MAX: variants seen among roughly 807,000 people sequenced by gnomAD.
MAX encodes MYC associated transcriptional regulator X.
In MAX, 3 loss-of-function variants were observed where a neutral mutation model predicts 22.3. The observed-to-expected ratio is 0.13, with a 90% confidence interval of 0.06 to 0.35. The LOEUF (loss-of-function observed/expected upper bound fraction) is 0.35, where lower values mean the gene tolerates loss of function less well. Ranked by LOEUF, MAX falls within the 10% of genes least tolerant of loss-of-function variation. The pLI is 1.00. For missense variants in MAX, 119 were observed against 209.4 expected (o/e 0.57, Z 2.66); for synonymous variants, 72 against 77.7 (o/e 0.93, Z 0.39).
rs1250986399 is a variant in MAX, at chr14:65,009,922, G to T, written c.172-3638C>A. Among the ~76,000 whole-genome samples, 1 of 152,062 alleles carries T rather than the reference G, an allele frequency of 6.6e-6. No homozygotes were observed. Among genetic ancestry groups the T allele is most frequent in the African/African-American group, 2.4e-5 (1 of 41,374 alleles). On this transcript the variant is annotated intron_variant, in intron 3 of 3. Coordinates refer to the MAX transcript ENST00000341653. This position sits in a 1 kb window ranked among gnomAD's most constrained non-coding sequence, Gnocchi z 4.2. ...GTCCACCTCTGGACTGTCGCTCTAG[G>T]GTACAGAGCAGCCTCTACCCCAGTG...
rs767291215 is a variant in MAX at position 65,077,368 on chromosome 14, TGAGG to T, written c.295+541_295+544del. ...CATTTCCTTTTACTTGCATCTTCCA[TGAGG>T]GAGGAAGAGAAGTGAATTCCCCAGG... On this transcript the variant is annotated intron_variant, in intron 4 of 4. Transcript: ENST00000358664. The surrounding 1 kb of genome is among the most constrained non-coding windows in gnomAD (Gnocchi z 6.3). The T allele has an allele frequency of 6.2e-7, 1 of 1,613,116 alleles. No homozygotes were observed. The highest frequency in any genetic ancestry group is 8.5e-7 in the Non-Finnish European group (1 of 1,179,084).
Position 65,030,653 on chromosome 14 carries a change from C to G in MAX, c.172-24369G>C, listed in dbSNP as rs1436503221. On this transcript the variant is annotated intron_variant, in intron 3 of 3. Transcript: ENST00000341653. This position sits in a 1 kb window ranked among gnomAD's most constrained non-coding sequence, Gnocchi z 4.5. The stretch of plus-strand genomic sequence containing the variant: ...GCTGCTTAGGAGGCTGAGGCAAGAT[C>G]AGTTTGAGCCCAGGAGTTTGAGGTT... 6.6e-6 allele frequency among the ~76,000 whole-genome samples: 1 copy of G among 151,758 alleles called. No individual in the cohort carries two copies.
rs553236625 is a variant in MAX, at chr14:65,049,977, CAT to C, written c.172-43695_172-43694del. On this transcript the variant is annotated intron_variant, in intron 3 of 3. Transcript: ENST00000341653. ...TATGATTACAATATTAAGTATAAAA[CAT>C]ATATATGTTTTACATTAATTAAATT... is the stretch of plus-strand genomic sequence containing the variant. Among the ~76,000 whole-genome samples, 155 of 151,886 alleles carry C rather than the reference CAT, an allele frequency of 1.0e-3. 1 individual carries two copies. The highest frequency in any genetic ancestry group is 3.6e-3 in the African/African-American group (148 of 41,420).
chr14:65,078,122 G>T lies in MAX; in HGVS notation c.172-86C>A. On this transcript the variant is annotated intron_variant, in intron 3 of 4. Coordinates refer to ENST00000358664, the MANE Select transcript of MAX (RefSeq NM_002382.5). This position sits in a 1 kb window ranked among gnomAD's most constrained non-coding sequence, Gnocchi z 6.4. ...GAACCTGGCCTGCAGCAACTGCTTGGGTGGCTGGAAACGAGAGGGTAAGGT... is the reference window on the plus strand; with the variant it reads ...GAACCTGGCCTGCAGCAACTGCTTGTGTGGCTGGAAACGAGAGGGTAAGGT... 1 of 1,520,628 alleles carries T rather than the reference G, an allele frequency of 6.6e-7. No homozygotes were observed. The highest frequency in any genetic ancestry group is 9.1e-7 in the Non-Finnish European group (1 of 1,097,580). 94.2% of individuals were successfully genotyped at this position (1,520,628 alleles called of 1,614,324 possible).
chr14:65,100,708 C>T (rs1483245011), intron 2 of MAX, among the ~76,000 whole-genome samples: 2 of 152,158 alleles, frequency 1.3e-5, no homozygotes, highest in African/African-American at 4.8e-5. Flanking sequence ...ATTTCTCTTC[C>T]CCTCGCTGAT....
rs1348276179 is a variant in MAX, at chr14:65,077,209, G to A, written c.296-546C>T. 4.2e-5 allele frequency: 29 copies of A among 688,562 alleles called. 1 individual carries two copies. The South Asian group carries it at 4.7e-4, about 11-fold the overall frequency. The allele number at this position is 688,562 out of a possible 1,614,324, so 42.7% of individuals were successfully genotyped here. On this transcript the variant is annotated intron_variant, in intron 4 of 4. Transcript: ENST00000358664. The surrounding 1 kb of genome is among the most constrained non-coding windows in gnomAD (Gnocchi z 6.3). ...AATAGCCCCTACATGCAGGCTGCCT[G>A]GCCCAGTAACCAACCCACTGACACC... is the stretch of plus-strand genomic sequence containing the variant.
chr14:65,006,238 T>C (rs2139487070), exon 4 of MAX: 2 of 1,612,698 alleles, frequency 1.2e-6, no homozygotes, highest in East Asian at 2.2e-5. Context: ...AAAAGGCAAG[T>C]GTTCATAAGG....
At chr14:65,045,325 T>C (rs1047551466) in intron 3 of MAX, among the ~76,000 whole-genome samples, 32 of 152,134 alleles carry the variant, frequency 2.1e-4, no homozygotes, top group African/African-American at 7.5e-4. Context: ...AGTTGGATAA[T>C]GTAACTGCTC....
At chr14:65,015,817 C>T in intron 3 of MAX, 1 of 1,353,738 alleles carries the variant, frequency 7.4e-7, no homozygotes, top group Non-Finnish European at 1.0e-6. Flanking sequence ...TGGAAAAAAA[C>T]AGTGCCACAA....
chr14:65,059,455 G>A (rs771879646), intron 3 of MAX, among the ~76,000 whole-genome samples: 1 of 152,064 alleles, frequency 6.6e-6, no homozygotes, highest in Non-Finnish European at 1.5e-5. Flanking sequence ...ATGTGGGGGT[G>A]GCAGAATAAG....
At chr14:65,025,066 G>T (rs960785088) in intron 3 of MAX, among the ~76,000 whole-genome samples, 5 of 152,210 alleles carry the variant, frequency 3.3e-5, no homozygotes, top group African/African-American at 1.2e-4. Flanking sequence ...AAAGCCTTGG[G>T]ATCAGAATGT....
intron 3 of MAX, among the ~76,000 whole-genome samples, chr14:65,034,571 T>C (rs1045470038): frequency 3.3e-5 from 5 of 152,358 alleles, no homozygotes; most frequent in South Asian, 2.1e-4. Flanking sequence ...CCAGAGTTCA[T>C]TGAGGACTGT....
At chr14:65,064,093 A>G (rs1459300422) in intron 3 of MAX, among the ~76,000 whole-genome samples, 2 of 152,164 alleles carry the variant, frequency 1.3e-5, no homozygotes, top group African/African-American at 4.8e-5. Flanking sequence ...AATCAGGGGA[A>G]ACACCCCTGA....
At chr14:65,024,597 C>T (rs534117071) in intron 3 of MAX, among the ~76,000 whole-genome samples, 1 of 152,256 alleles carries the variant, frequency 6.6e-6, no homozygotes, top group African/African-American at 2.4e-5. Context: ...AAATGCCTTG[C>T]TGACGTTAAA....
At chr14:65,043,967 G>A (rs1412291397) in intron 3 of MAX, among the ~76,000 whole-genome samples, 1 of 151,080 alleles carries the variant, frequency 6.6e-6, no homozygotes, top group Admixed American at 6.6e-5. Context: ...TCCAACTTAA[G>A]CCATGTTTAT....
chr14:65,037,402 CCTTTTTTTTTTTTTTTTTT>C lies in MAX; in HGVS notation c.172-31137_172-31119del, dbSNP rs1226308026. Reference sequence around the variant, plus strand: ...ATAGGCGTGAGCCACCACGCCGGGCCCTTTTTTTTTTTTTTTTTTTTTTTTTTTTTTTTTTTTTTTTTTT... The same window carrying C: ...ATAGGCGTGAGCCACCACGCCGGGCCTTTTTTTTTTTTTTTTTTTTTTTTT... On this transcript the variant is annotated intron_variant, in intron 3 of 3. Transcript: ENST00000341653. Among the ~76,000 whole-genome samples the C allele has an allele frequency of 2.7e-3, 39 of 14,536 alleles. 4 individuals are homozygous for C. The highest frequency in any genetic ancestry group is 9.3e-3 in the African/African-American group (32 of 3,446). The allele number at this position is 14,536 out of a possible 152,430, so 9.5% of individuals were successfully genotyped here.
In MAX at chr14:65,023,056, T is replaced by G. The variant is rs1375666512; in HGVS notation, c.172-16772A>C. 1.3e-5 allele frequency among the ~76,000 whole-genome samples: 2 copies of G among 152,318 alleles called. No homozygotes were observed. The highest frequency in any genetic ancestry group is 3.9e-4 in the East Asian group (2 of 5,190). Reference sequence around the variant, plus strand: ...TCCAAACTGATGACGGTGTTTAGAATCAACATTGATTAATTGATTGAGACA... The same window carrying G: ...TCCAAACTGATGACGGTGTTTAGAAGCAACATTGATTAATTGATTGAGACA... On this transcript the variant is annotated intron_variant, in intron 3 of 3. Coordinates refer to the MAX transcript ENST00000341653. This position sits in a 1 kb window ranked among gnomAD's most constrained non-coding sequence, Gnocchi z 4.1.
chr14:65,025,982 T>C (rs3825642), intron 3 of MAX, among the ~76,000 whole-genome samples: 3,729 of 152,344 alleles, frequency 0.024, 131 homozygotes, highest in East Asian at 0.12. Context: ...TTTTGCTTTC[T>C]CTGCCCGGAT....
chr14:65,097,738 T>A (rs188179911), intron 2 of MAX, among the ~76,000 whole-genome samples: 1 of 152,192 alleles, frequency 6.6e-6, no homozygotes, highest in East Asian at 1.9e-4. Flanking sequence ...TTCTGATAGA[T>A]AAGAACAAGA....
Sources: allele counts gnomAD v4.1 joint callset (sites outside exome capture counted in the v4.1 genomes callset), GRCh38; gene constraint gnomAD v4.1.1; non-coding constraint Gnocchi (gnomAD v3.1); transcripts MANE v1.5; gene names NCBI Gene and HGNC (gene_info 2026-07-23, HGNC 2026-07-21).